The following SAFB variants were observed in gnomAD, a reference collection of about 807,000 sequenced individuals.
SAFB encodes the protein scaffold attachment factor B1.
In SAFB, 15 loss-of-function variants were observed where a neutral mutation model predicts 101.6. That is an observed-to-expected ratio of 0.15 (90% CI 0.10 to 0.23). SAFB has a LOEUF of 0.23. SAFB is among the 10% of genes least tolerant of loss of function. The pLI is 1.00. For synonymous variants in SAFB, 449 were observed against 407.5 expected, an observed-to-expected ratio of 1.10 and a Z score of -1.23; for missense variants, 930 against 1,104.1, an observed-to-expected ratio of 0.84 and a Z score of 2.23.
chr19:5,626,275 G>C (rs2053358435), intron 1 of SAFB, 130 bp from the exon 2 acceptor site: 1 of 639,540 alleles, frequency 1.6e-6, no homozygotes, highest in South Asian at 1.8e-5. Flanking sequence ...ATGGGCCACA[G>C]GTCCTGGGTG....
At chr19:5,659,523 A>G (rs1487566043) in intron 14 of SAFB, among the ~76,000 whole-genome samples, 2 of 151,730 alleles carry the variant, frequency 1.3e-5, no homozygotes. Context: ...CTGGGACTAC[A>G]GGCGCCTGCC....
chr19:5,646,861 C>T (rs1252011668), intron 5 of SAFB, among the ~76,000 whole-genome samples: 2 of 152,342 alleles, frequency 1.3e-5, no homozygotes, highest in East Asian at 3.9e-4. Flanking sequence ...GTTAACAGTG[C>T]AGACTCACAC....
chr19:5,648,574 C>G (rs1394059470), intron 6 of SAFB, among the ~76,000 whole-genome samples: 2 of 152,184 alleles, frequency 1.3e-5, no homozygotes, highest in Non-Finnish European at 2.9e-5. Context: ...GGAAGAGATT[C>G]TGGTTTTCAT....
In SAFB at chr19:5,644,593, G is replaced by A. The variant is rs546131492; in HGVS notation, c.547-744G>A. Among the ~76,000 whole-genome samples the A allele has an allele frequency of 3.9e-5, 6 of 152,296 alleles. No homozygotes were observed. The South Asian group carries it at 6.2e-4, about 16-fold the overall frequency. On this transcript the variant is annotated intron_variant, in intron 4 of 20. Transcript: ENST00000588852. ...CCTTTTGAGTCTTCTGATCGTGTGCGTGTCTTTCCTAGTGAAATATAGTGA... is the reference window on the plus strand; with the variant it reads ...CCTTTTGAGTCTTCTGATCGTGTGCATGTCTTTCCTAGTGAAATATAGTGA...
Position 5,629,022 on chromosome 19 carries a change from C to G in SAFB, c.274+2533C>G, listed in dbSNP as rs575434667. On this transcript the variant is annotated intron_variant, in intron 2 of 20. Transcript: ENST00000588852. ...TCATAGTTCGCTGCAGCCTTGAACT[C>G]CTGGCCTCAAGCAGTGCTTTCACCT... Among the ~76,000 whole-genome samples the G allele has an allele frequency of 2.0e-5, 3 of 152,274 alleles. No individual in the cohort carries two copies. The East Asian group carries it at 5.8e-4, about 29-fold the overall frequency.
chr19:5,664,056 G>A lies in SAFB; in HGVS notation c.2188G>A (p.Ala730Thr). The change falls in exon 16 of 21, where the codon GCC (alanine) becomes ACC (threonine). Residue 730 changes from alanine (A) to threonine (T), a missense_variant. By Grantham distance (58) the Ala-to-Thr change is moderately conservative. Transcript: ENST00000588852. Reference sequence around the variant, plus strand: ...TGCCTATTGGCCGGAAGCCAAGCGGGCCGCCCTGGATGAGCGCTACCATTC... The same window carrying A: ...TGCCTATTGGCCGGAAGCCAAGCGGACCGCCCTGGATGAGCGCTACCATTC... ...DDAYWPEAKR[A>T]ALDERYHSDF... 1.5e-5 allele frequency: 24 copies of A among 1,614,034 alleles called. No homozygotes were observed. The highest frequency in any genetic ancestry group is 1.6e-4 in the Middle Eastern group (1 of 6,062).
Position 5,654,370 on chromosome 19 carries a change from A to G in SAFB, c.1669A>G (p.Ser557Gly), listed in dbSNP as rs760710721. Residue 557 changes from serine to glycine, a missense_variant and splice_region_variant, in exon 13 of 21, where the codon AGT (serine) becomes GGT (glycine). Coordinates refer to ENST00000588852, the MANE Select transcript of SAFB (RefSeq NM_001201338.2). ...SERSRATKSG[S>G]RGTERTVVMD... ...CACTTTCCCCGTCTTTTCTGTAGGA[A>G]GTCGAGGGACCGAACGGACTGTAGT... is the stretch of plus-strand genomic sequence containing the variant. 5 of 1,611,520 alleles carry G rather than the reference A, an allele frequency of 3.1e-6. No homozygotes were observed. The South Asian group carries it at 5.5e-5, about 18-fold the overall frequency.
At chr19:5,656,467 G>C (rs2054062475) in intron 13 of SAFB, among the ~76,000 whole-genome samples, 1 of 151,610 alleles carries the variant, frequency 6.6e-6, no homozygotes, top group Non-Finnish European at 1.5e-5. Flanking sequence ...GTAGAGACAG[G>C]ATTTCTCCAT....
chr19:5,654,205 GC>G lies in SAFB; in HGVS notation c.1666+6del. ...GATCTCGAGCCACAAAGTCAGGTGG[GC>G]AGCTCATGAGCCCAGGAGATTCTGT... On this transcript the variant is annotated splice_donor_region_variant and intron_variant, in intron 12 of 20. Transcript: ENST00000588852. 1 of 1,614,158 alleles carries G rather than the reference GC, an allele frequency of 6.2e-7. No homozygotes were observed. The highest frequency in any genetic ancestry group is 1.6e-4 in the Middle Eastern group (1 of 6,062).
At chr19:5,644,674 C>G (rs1393551983) in intron 4 of SAFB, among the ~76,000 whole-genome samples, 1 of 152,210 alleles carries the variant, frequency 6.6e-6, no homozygotes, top group Non-Finnish European at 1.5e-5. Flanking sequence ...AAGTATATCT[C>G]AAATTTCAGG....
Position 5,667,855 on chromosome 19 carries a change from G to A in SAFB, c.2593G>A (p.Gly865Ser). Residue 865 changes from glycine (G) to serine (S), a missense_variant, in exon 20 of 21, where the codon GGC becomes AGC. By Grantham distance (56) the Gly-to-Ser change is moderately conservative. Transcript: ENST00000588852. This position sits in a 1 kb window ranked among gnomAD's most constrained non-coding sequence, Gnocchi z 4.0. ...ERSMSGHSGP[G>S]HMMNRGGMSG... is the part of the protein sequence containing the mutation. ...AAGCATGTCCGGTCACTCCGGGCCT[G>A]GCCACATGATGAACCGAGGAGGAAT... is the stretch of plus-strand genomic sequence containing the variant. 6.2e-7 allele frequency: 1 copy of A among 1,611,260 alleles called. No individual in the cohort carries two copies. The highest frequency in any genetic ancestry group is 8.5e-7 in the Non-Finnish European group (1 of 1,178,818).
intron 2 of SAFB, among the ~76,000 whole-genome samples, chr19:5,636,422 C>A (rs548309833): frequency 4.6e-5 from 7 of 151,960 alleles, no homozygotes; most frequent in African/African-American, 1.2e-4. Context: ...GTTTTTTAGA[C>A]CTCGAGGCAT....
At chr19:5,634,637 T>C (rs2053558333) in intron 2 of SAFB, among the ~76,000 whole-genome samples, 1 of 151,972 alleles carries the variant, frequency 6.6e-6, no homozygotes, top group Non-Finnish European at 1.5e-5. Flanking sequence ...AGGAAGAAAC[T>C]CATATCCAGA....
chr19:5,654,390 T>C lies in SAFB; in HGVS notation c.1689T>C (p.Thr563=). Residue 563 remains threonine, a synonymous_variant, in exon 13 of 21, where the codon ACT becomes ACC. Transcript: ENST00000588852. ...TKSGSRGTER[T]VVMDKSKGVP... ...TAGGAAGTCGAGGGACCGAACGGAC[T>C]GTAGTAATGGATAAATCCAAAGGGG... 2 of 1,613,662 alleles carry C rather than the reference T, an allele frequency of 1.2e-6. No individual in the cohort carries two copies. The highest frequency in any genetic ancestry group is 1.7e-6 in the Non-Finnish European group (2 of 1,179,560).
At chr19:5,658,668 C>T (rs1019071632) in intron 14 of SAFB, among the ~76,000 whole-genome samples, 1 of 150,944 alleles carries the variant, frequency 6.6e-6, no homozygotes, top group Non-Finnish European at 1.5e-5. Context: ...ACGGTGAAAC[C>T]CTGTCTCTAC....
Position 5,654,124 on chromosome 19 carries a change from C to T in SAFB, c.1590C>T (p.Asp530=), listed in dbSNP as rs74848969. The T allele has an allele frequency of 3.4e-5, 55 of 1,613,870 alleles. No individual in the cohort carries two copies. The East Asian group carries it at 3.6e-4, about 10-fold the overall frequency. Reference sequence around the variant, plus strand: ...AAGATGATGCTAAGAAGGGTGACGACGGAAGTGGAGAAAAGAGTAAGGACC... The same window carrying T: ...AAGATGATGCTAAGAAGGGTGACGATGGAAGTGGAGAAAAGAGTAAGGACC... The part of the protein sequence containing the change: ...DRKDDAKKGD[D]GSGEKSKDQD... Residue 530 remains aspartate, a synonymous_variant, in exon 12 of 21, where the codon GAC becomes GAT. Transcript: ENST00000588852.
chr19:5,663,910 C>G (rs2054271226), intron 15 of SAFB, 112 bp from the exon 16 acceptor site: 1 of 1,217,116 alleles, frequency 8.2e-7, no homozygotes, highest in Non-Finnish European at 1.2e-6. Flanking sequence ...AGAGAACACT[C>G]TTGGTGAAAG....
chr19:5,647,271 G>A (rs1039152968), intron 5 of SAFB, among the ~76,000 whole-genome samples: 1 of 152,208 alleles, frequency 6.6e-6, no homozygotes, highest in South Asian at 2.1e-4. Flanking sequence ...TTGGCTGGAC[G>A]GGGCAGGGGA....
At chr19:5,632,522 G>C (rs1264636169) in intron 2 of SAFB, among the ~76,000 whole-genome samples, 1 of 152,130 alleles carries the variant, frequency 6.6e-6, no homozygotes, top group Non-Finnish European at 1.5e-5. Context: ...TCAGTAGTTT[G>C]TTCCAATAAT....
Sources: gnomAD v4.1 joint callset for allele counts (sites outside exome capture counted in the v4.1 genomes callset) on GRCh38, gnomAD v4.1.1 for gene constraint, Gnocchi (gnomAD v3.1) non-coding constraint, MANE v1.5 for transcripts, NCBI Gene and HGNC (gene_info 2026-07-23, HGNC 2026-07-21) for gene names.